UTP20: variants seen among roughly 807,000 people sequenced by gnomAD.
UTP20 encodes small subunit processome component 20 homolog.
In UTP20, 164 loss-of-function variants were observed where a neutral mutation model predicts 329.5. The ratio of observed to expected loss-of-function variants is 0.50; its 90% CI spans 0.44 to 0.57. UTP20 has a LOEUF of 0.57. Ranked by LOEUF, UTP20 falls within the 20% of genes least tolerant of loss-of-function variation. The pLI, the probability that UTP20 is intolerant of heterozygous loss-of-function variation, is 0.00. For missense variants in UTP20, 3,055 were observed against 3,284.2 expected (o/e 0.93, Z 1.71); for synonymous variants, 1,151 against 1,159.3 (o/e 0.99, Z 0.14).
intron 27 of UTP20, among the ~76,000 whole-genome samples, chr12:101,330,179 T>A (rs1221309258): frequency 3.9e-5 from 6 of 152,136 alleles, no homozygotes; most frequent in Admixed American, 3.3e-4. Context: ...GGATAGGTGC[T>A]GCATTTACTA....
intron 29 of UTP20, among the ~76,000 whole-genome samples, chr12:101,336,455 A>G (rs1268472396): frequency 6.6e-5 from 10 of 152,170 alleles, no homozygotes; most frequent in Admixed American, 5.9e-4. Context: ...AAACTTATTA[A>G]TTAGGGTGAA....
intron 21 of UTP20, among the ~76,000 whole-genome samples, chr12:101,316,423 A>G (rs952259186): frequency 6.6e-6 from 1 of 152,362 alleles, no homozygotes; most frequent in East Asian, 1.9e-4. Context: ...GTATGATATT[A>G]AGTGGATGAT....
At position 101,308,293 on chromosome 12, in the gene UTP20, C is replaced by CTT; in HGVS notation, c.2105_2106insTT (p.Arg703Ter). ...AGAGAAGCTTCTTCATTTGAGAAAA[C>CTT]TAAGACATGATGTGGTACAGACTGC... On this transcript the variant is annotated frameshift_variant, in exon 18 of 62. Coordinates refer to ENST00000261637, the MANE Select transcript of UTP20 (RefSeq NM_014503.3). LOFTEE classifies it high-confidence loss of function. 1 of 1,612,892 alleles carries CTT rather than the reference C, an allele frequency of 6.2e-7. No individual in the cohort carries two copies. The highest frequency in any genetic ancestry group is 8.5e-7 in the Non-Finnish European group (1 of 1,179,546).
At chr12:101,284,526 A>G (rs987766705) in intron 2 of UTP20, among the ~76,000 whole-genome samples, 11 of 152,044 alleles carry the variant, frequency 7.2e-5, no homozygotes, top group African/African-American at 2.2e-4. Context: ...TGTCTTTGCT[A>G]TTGTGGATAG....
chr12:101,370,650 G>C, intron 50 of UTP20, 87 bp downstream of exon 50: 1 of 1,349,642 alleles, frequency 7.4e-7, no homozygotes, highest in East Asian at 2.4e-5. Context: ...GTTTTGACTA[G>C]TCATAGACTT....
At chr12:101,304,481 A>T (rs115643772) in intron 15 of UTP20, among the ~76,000 whole-genome samples, 2,552 of 152,314 alleles carry the variant, frequency 0.017, 82 homozygotes, top group African/African-American at 0.059. Flanking sequence ...TGGAGGAACT[A>T]AAGTTTCAAA....
chr12:101,365,534 AT>A lies in UTP20; in HGVS notation c.6036del (p.Ile2012MetfsTer2), dbSNP rs759658532. On this transcript the variant is annotated frameshift_variant, in exon 46 of 62. Transcript: ENST00000261637. LOFTEE classifies it high-confidence loss of function. ...ETLRRITVGL[I>X]VNQEMTAESI... ...TTTACGCCGAATCACAGTGGGATTAATTGTAAATCAGGAAATGACAGCTGAA... is the reference window on the plus strand; with the variant it reads ...TTTACGCCGAATCACAGTGGGATTAATGTAAATCAGGAAATGACAGCTGAA... 1.2e-6 allele frequency: 2 copies of A among 1,613,332 alleles called. No homozygotes were observed. The highest frequency in any genetic ancestry group is 1.7e-6 in the Non-Finnish European group (2 of 1,179,744).
At chr12:101,341,612 A>G (rs1869138151) in intron 32 of UTP20, among the ~76,000 whole-genome samples, 2 of 152,228 alleles carry the variant, frequency 1.3e-5, no homozygotes, top group Admixed American at 6.5e-5. Context: ...TAAAAATGAT[A>G]GAAACTTTAA....
intron 12 of UTP20, among the ~76,000 whole-genome samples, chr12:101,296,511 C>T (rs949459720): frequency 3.1e-4 from 47 of 150,698 alleles, no homozygotes; most frequent in African/African-American, 9.8e-4. Flanking sequence ...GTGGAGCTTG[C>T]AGTGAGCCGA....
chr12:101,369,585 G>A (rs1870212958), intron 48 of UTP20, 136 bp from the exon 49 acceptor site: 9 of 565,096 alleles, frequency 1.6e-5, no homozygotes, highest in South Asian at 6.0e-5. Context: ...TTTGGGCACA[G>A]TTCTTCCAGA....
intron 48 of UTP20, 23 bp from the exon 49 acceptor site, chr12:101,369,698 G>GTGTTT (rs531223340): frequency 7.8e-7 from 1 of 1,284,934 alleles, no homozygotes; most frequent in South Asian, 1.2e-5. Context: ...CAAGTTGGTG[G>GTGTTT]TGTTTTGTTT....
At position 101,281,165 on chromosome 12, in the gene UTP20, A is replaced by G; in HGVS notation, c.95A>G (p.His32Arg). 2 of 1,613,448 alleles carry G rather than the reference A, an allele frequency of 1.2e-6. No individual in the cohort carries two copies. Among genetic ancestry groups the G allele is most frequent in the South Asian group, 1.1e-5 (1 of 90,964 alleles). Residue 32 changes from histidine (H) to arginine (R), a missense_variant, in exon 2 of 62, where the codon CAC (histidine) becomes CGC (arginine). This residue lies in a region of UTP20 where 2,445 missense variants were observed against 2,575.5 expected (regional missense o/e 0.95). Transcript: ENST00000261637. ...GGGAATGTTAATATTGATATTATTC[A>G]CCGGATTGATAGAACTGCAAGCTAT... is the stretch of plus-strand genomic sequence containing the variant. ...RLGNVNIDII[H>R]RIDRTASYEE...
At chr12:101,297,847 C>T (rs1872408607) in intron 12 of UTP20, among the ~76,000 whole-genome samples, 1 of 152,140 alleles carries the variant, frequency 6.6e-6, no homozygotes, top group Non-Finnish European at 1.5e-5. Flanking sequence ...TCATCTCAGC[C>T]ATCTCAGATC....
intron 15 of UTP20, among the ~76,000 whole-genome samples, chr12:101,303,534 G>T (rs1310364233): frequency 6.6e-6 from 1 of 152,182 alleles, no homozygotes; most frequent in Non-Finnish European, 1.5e-5. Context: ...AGACCTGGAG[G>T]CGACATGAAT....
intron 19 of UTP20, among the ~76,000 whole-genome samples, chr12:101,311,477 T>C (rs181540706): frequency 6.6e-6 from 1 of 152,344 alleles, no homozygotes; most frequent in Admixed American, 6.5e-5. Context: ...TGATTTTCTC[T>C]TAAGGATCTA....
At chr12:101,354,666 G>A (rs1285316626) in intron 40 of UTP20, among the ~76,000 whole-genome samples, 166 bp from the exon 41 acceptor site, 2 of 152,092 alleles carry the variant, frequency 1.3e-5, no homozygotes, top group Non-Finnish European at 2.9e-5. Context: ...CAAAACCCAT[G>A]GCCCTCTCAT....
intron 21 of UTP20, 32 bp downstream of exon 21, chr12:101,312,308 G>T: frequency 6.2e-7 from 1 of 1,608,458 alleles, no homozygotes; most frequent in Non-Finnish European, 8.5e-7. Flanking sequence ...TATGTCCCTG[G>T]TGGGGCATGA....
intron 51 of UTP20, among the ~76,000 whole-genome samples, chr12:101,371,774 C>T (rs1451236911): frequency 2.0e-5 from 3 of 152,024 alleles, no homozygotes; most frequent in African/African-American, 7.2e-5. Context: ...CCTTGTGATC[C>T]ACCCACCTTG....
intron 29 of UTP20, among the ~76,000 whole-genome samples, chr12:101,335,180 G>T (rs902495169): frequency 8.5e-5 from 13 of 152,058 alleles, no homozygotes; most frequent in African/African-American, 3.1e-4. Context: ...CCTTTGGACT[G>T]TTTGAATTTT....
Sources: allele counts gnomAD v4.1 joint callset (sites outside exome capture counted in the v4.1 genomes callset), GRCh38; gene constraint gnomAD v4.1.1; regional missense constraint gnomAD v4.1.1; transcripts MANE v1.5; gene names NCBI Gene and HGNC (gene_info 2026-07-23, HGNC 2026-07-21).